Variants in MLLT1 observed in about 807,000 individuals in gnomAD.
MLLT1 encodes MLLT1 super elongation complex subunit, also known as protein ENL.
MLLT1 carries 11 observed loss-of-function variants against 55.1 expected under a neutral mutation model. The ratio of observed to expected loss-of-function variants is 0.20; its 90% confidence interval spans 0.13 to 0.33. The LOEUF (loss-of-function observed/expected upper bound fraction) is 0.33. MLLT1 is among the 10% of genes least tolerant of loss of function. The pLI is 1.00. For missense variants in MLLT1, 536 were observed against 760.6 expected (o/e 0.70, Z 3.47); for synonymous variants, 323 against 320.1 (o/e 1.01, Z -0.10).
rs1298816160 is a variant in MLLT1, at chr19:6,210,607, G to A, written c.*2435C>T. The A allele has an allele frequency of 1.3e-5, 3 of 225,336 alleles. No homozygotes were observed. Among genetic ancestry groups the A allele is most frequent in the South Asian group, 1.8e-4 (1 of 5,460 alleles). The allele number at this position is 225,336 out of a possible 1,614,324, so 14.0% of individuals were successfully genotyped here. A position where few individuals can be genotyped will look rare whatever the true frequency, so the allele number is the denominator to read the frequency against. On this transcript the variant is annotated 3_prime_UTR_variant, in exon 12 of 12. Coordinates refer to ENST00000252674, the MANE Select transcript of MLLT1 (RefSeq NM_005934.4). The surrounding 1 kb of genome is among the most constrained non-coding windows in gnomAD (Gnocchi z 4.6). The stretch of plus-strand genomic sequence containing the variant: ...ACCCTTATGGGCAAGAAAGGTATTC[G>A]ATACCATTTGCTTTCCGGCGTCGGT...
intron 3 of MLLT1, among the ~76,000 whole-genome samples, chr19:6,241,101 C>T (rs1259122455): frequency 6.6e-6 from 1 of 152,194 alleles, no homozygotes; most frequent in Non-Finnish European, 1.5e-5. Flanking sequence ...AGTCACCGGC[C>T]CAATGCTGCC....
At chr19:6,238,478 G>A (rs1291888680) in intron 3 of MLLT1, among the ~76,000 whole-genome samples, 1 of 152,206 alleles carries the variant, frequency 6.6e-6, no homozygotes, top group Non-Finnish European at 1.5e-5. Context: ...GCAGGCTGGC[G>A]GCTGTGGGAG....
chr19:6,268,200 C>G (rs1485837091), intron 2 of MLLT1, among the ~76,000 whole-genome samples: 1 of 152,222 alleles, frequency 6.6e-6, no homozygotes. Context: ...ACGTGGGACT[C>G]TTCTGTGAAG....
chr19:6,268,070 T>C (rs2091363349), intron 2 of MLLT1, among the ~76,000 whole-genome samples: 1 of 152,102 alleles, frequency 6.6e-6, no homozygotes, highest in Admixed American at 6.5e-5. Context: ...GTTAAGATGG[T>C]GCTAAGGAGA....
rs778524743 is a variant in MLLT1 at position 6,216,478 on chromosome 19, C to G, written c.1234G>C (p.Glu412Gln). ...GAAGAGTCGTCCTCGTCGGACTCCT[C>G]GGACTGCAGGTCCTCCACCATGGAG... is the stretch of plus-strand genomic sequence containing the variant. ...LRSMVEDLQSEESDEDDSSSG... is the reference protein window; with the variant it reads ...LRSMVEDLQSQESDEDDSSSG... The change falls in exon 8 of 12, where the codon GAG becomes CAG. Residue 412 changes from glutamate (E) to glutamine (Q), a missense_variant. Glu to Gln is a conservative substitution (Grantham distance 29, BLOSUM62 2). This residue lies in a region of MLLT1 where 449 missense variants were observed against 489.0 expected (regional missense o/e 0.92). Coordinates refer to ENST00000252674, the MANE Select transcript of MLLT1 (RefSeq NM_005934.4). 10 of 1,605,944 alleles carry G rather than the reference C, an allele frequency of 6.2e-6. No individual in the cohort carries two copies. The highest frequency in any genetic ancestry group is 5.3e-5 in the African/African-American group (4 of 74,814).
At chr19:6,258,620 T>C (rs2091278121) in intron 3 of MLLT1, among the ~76,000 whole-genome samples, 1 of 152,222 alleles carries the variant, frequency 6.6e-6, no homozygotes, top group Non-Finnish European at 1.5e-5. Flanking sequence ...CTCAGTTACG[T>C]TCTAATGCCT....
At chr19:6,274,020 C>T (rs895484530) in intron 1 of MLLT1, among the ~76,000 whole-genome samples, 10 of 152,230 alleles carry the variant, frequency 6.6e-5, no homozygotes, top group African/African-American at 1.4e-4. Flanking sequence ...TCTTTGCAGC[C>T]GGCAGGCCGG....
chr19:6,248,582 T>C (rs543874215), intron 3 of MLLT1, among the ~76,000 whole-genome samples: 2 of 152,304 alleles, frequency 1.3e-5, no homozygotes, highest in African/African-American at 4.8e-5. Flanking sequence ...GGACTAGCCA[T>C]GAGAAAACGG....
intron 3 of MLLT1, among the ~76,000 whole-genome samples, chr19:6,251,249 G>A (rs1028199613): frequency 2.0e-5 from 3 of 152,258 alleles, no homozygotes; most frequent in Non-Finnish European, 2.9e-5. Context: ...ATTTCATCTC[G>A]TGAATTTCAC....
At chr19:6,216,851 G>C (rs1432936324) in intron 7 of MLLT1, 1 of 272,894 alleles carries the variant, frequency 3.7e-6, no homozygotes, top group Non-Finnish European at 7.0e-6. Context: ...GAGATCAGAA[G>C]CTCTGCCGAG....
At chr19:6,254,067 T>C (rs566211299) in intron 3 of MLLT1, among the ~76,000 whole-genome samples, 2 of 152,292 alleles carry the variant, frequency 1.3e-5, no homozygotes, top group South Asian at 4.1e-4. Flanking sequence ...AGCTTCAGGA[T>C]GGGGGCTGGT....
At position 6,212,425 on chromosome 19, in the gene MLLT1, AC is replaced by A. The variant is rs1247939909; in HGVS notation, c.*616del. 1.7e-5 allele frequency: 18 copies of A among 1,065,310 alleles called. No individual in the cohort carries two copies. Among genetic ancestry groups the A allele is most frequent in the Non-Finnish European group, 1.9e-5 (17 of 879,386 alleles). The allele number at this position is 1,065,310 out of a possible 1,614,324, so 66.0% of individuals were successfully genotyped here. On this transcript the variant is annotated 3_prime_UTR_variant, in exon 12 of 12. Transcript: ENST00000252674. ...ACCGTACGCACCCCCCACCCACCCC[AC>A]GTGCACTGCTGCCACAGAAACGCAC... is the stretch of plus-strand genomic sequence containing the variant.
intron 7 of MLLT1, 116 bp downstream of exon 7, chr19:6,217,838 A>G (rs572256399): frequency 4.4e-5 from 63 of 1,424,182 alleles, no homozygotes; most frequent in Non-Finnish European, 5.7e-5. Context: ...CCCTCCATGT[A>G]CAGATCTGCA....
In MLLT1 at chr19:6,226,661, C is replaced by T. The variant is rs1487803023; in HGVS notation, c.546+316G>A. On this transcript the variant is annotated intron_variant, in intron 5 of 11. Transcript: ENST00000252674. This position sits in a 1 kb window ranked among gnomAD's most constrained non-coding sequence, Gnocchi z 6.3. ...TCTACCCAGCGGCCGCCCCAACAGC[C>T]TTCGGCGAAGGTCTCAGGGCTTCAG... Among the ~76,000 whole-genome samples, 1 of 152,164 alleles carries T rather than the reference C, an allele frequency of 6.6e-6. No homozygotes were observed. Among genetic ancestry groups the T allele is most frequent in the Non-Finnish European group, 1.5e-5 (1 of 68,042 alleles).
intron 3 of MLLT1, chr19:6,259,311 G>A (rs1568293720): frequency 6.6e-6 from 1 of 152,230 alleles, no homozygotes; most frequent in Non-Finnish European, 1.5e-5. Context: ...CATGCACTAT[G>A]ACCCTGTCCC....
chr19:6,226,971 A>G lies in MLLT1; in HGVS notation c.546+6T>C. On this transcript the variant is annotated splice_donor_region_variant and intron_variant, in intron 5 of 11. Transcript: ENST00000252674. The surrounding 1 kb of genome is among the most constrained non-coding windows in gnomAD (Gnocchi z 6.3). ...CCCACGCGACTGGGCCTTCCGCCTC[A>G]CTAACCTTGGAGCCGTGGGATGGTT... is the stretch of plus-strand genomic sequence containing the variant. 1 of 1,591,252 alleles carries G rather than the reference A, an allele frequency of 6.3e-7. No homozygotes were observed. Among genetic ancestry groups the G allele is most frequent in the Non-Finnish European group, 8.5e-7 (1 of 1,170,176 alleles).
chr19:6,253,155 C>A (rs901058954), intron 3 of MLLT1, among the ~76,000 whole-genome samples: 2 of 149,476 alleles, frequency 1.3e-5, no homozygotes, highest in Non-Finnish European at 3.0e-5. Flanking sequence ...GTCCCAGCTA[C>A]TCGGGAGGCT....
At chr19:6,236,939 G>T (rs2091067534) in intron 3 of MLLT1, among the ~76,000 whole-genome samples, 1 of 152,208 alleles carries the variant, frequency 6.6e-6, no homozygotes, top group African/African-American at 2.4e-5. Flanking sequence ...CTTGGGCCGG[G>T]CCAGGTCGCG....
At chr19:6,271,080 A>T (rs1191303409) in intron 1 of MLLT1, among the ~76,000 whole-genome samples, 1 of 151,708 alleles carries the variant, frequency 6.6e-6, no homozygotes, top group East Asian at 2.0e-4. Flanking sequence ...CTGGCCTAGG[A>T]TCCTCTGCTC....
Sources: allele counts gnomAD v4.1 joint callset (sites outside exome capture counted in the v4.1 genomes callset), GRCh38; gene constraint gnomAD v4.1.1; regional missense constraint gnomAD v4.1.1; non-coding constraint Gnocchi (gnomAD v3.1); transcripts MANE v1.5; gene names NCBI Gene and HGNC (gene_info 2026-07-23, HGNC 2026-07-21).